Variants in DNAH11 observed in about 807,000 individuals in gnomAD.
DNAH11 encodes axonemal beta dynein heavy chain 11.
A neutral mutation model predicts 526.0 loss-of-function variants in DNAH11; 442 were observed. The observed-to-expected ratio is 0.84, with a 90% confidence interval of 0.78 to 0.91. The LOEUF (loss-of-function observed/expected upper bound fraction) is 0.91. Among genes scored for constraint, DNAH11 ranks in the 40% least tolerant of loss-of-function variants. The probability of loss-of-function intolerance (pLI) is 0.00; values close to 1 mark genes in which losing one functional copy is unlikely to be tolerated. For missense variants in DNAH11, 6,989 were observed against 5,448.7 expected (o/e 1.28, Z -8.90); for synonymous variants, 2,461 against 1,935.9 (o/e 1.27, Z -7.12).
At chr7:21,893,021 T>C (rs555639875) in intron 77 of DNAH11, among the ~76,000 whole-genome samples, 131 of 152,342 alleles carry the variant, frequency 8.6e-4, no homozygotes, top group African/African-American at 3.1e-3. Flanking sequence ...GTACCAATGG[T>C]TCATTTTTGT....
intron 30 of DNAH11, among the ~76,000 whole-genome samples, chr7:21,674,397 G>C (rs1314491098): frequency 6.6e-6 from 1 of 151,974 alleles, no homozygotes; most frequent in African/African-American, 2.4e-5. Flanking sequence ...GTCTCGCTCT[G>C]TCACCCAGGC....
At chr7:21,736,915 T>C (rs1330512760) in intron 46 of DNAH11, among the ~76,000 whole-genome samples, 1 of 152,230 alleles carries the variant, frequency 6.6e-6, no homozygotes, top group African/African-American at 2.4e-5. Flanking sequence ...ATGTTTTTCA[T>C]TTGCAGATAT....
At chr7:21,778,328 A>T (rs571449519) in intron 56 of DNAH11, among the ~76,000 whole-genome samples, 1 of 152,258 alleles carries the variant, frequency 6.6e-6, no homozygotes, top group South Asian at 2.1e-4. Context: ...GCCACAGCAT[A>T]CTAATACCCC....
At chr7:21,820,958 A>T (rs1004019976) in intron 65 of DNAH11, among the ~76,000 whole-genome samples, 1 of 152,194 alleles carries the variant, frequency 6.6e-6, no homozygotes, top group Non-Finnish European at 1.5e-5. Flanking sequence ...GAGTCTAGTT[A>T]GTAAATAATT....
chr7:21,745,269 C>T (rs1168953175), intron 51 of DNAH11, among the ~76,000 whole-genome samples: 1 of 152,128 alleles, frequency 6.6e-6, no homozygotes, highest in African/African-American at 2.4e-5. Flanking sequence ...TTCCGAGATG[C>T]CATCATATCC....
intron 61 of DNAH11, among the ~76,000 whole-genome samples, chr7:21,791,563 C>G (rs1373942579): frequency 6.6e-6 from 1 of 152,146 alleles, no homozygotes; most frequent in African/African-American, 2.4e-5. Flanking sequence ...CATCTTGGTG[C>G]CTGTATGTGG....
chr7:21,704,758 G>C, intron 38 of DNAH11, 130 bp downstream of exon 38: 1 of 1,011,744 alleles, frequency 9.9e-7, no homozygotes, highest in South Asian at 2.1e-5. Context: ...ATGCTTTCAA[G>C]CATTTTCATA....
At chr7:21,760,394 A>G (rs1384376347) in intron 54 of DNAH11, among the ~76,000 whole-genome samples, 1 of 152,096 alleles carries the variant, frequency 6.6e-6, no homozygotes, top group Non-Finnish European at 1.5e-5. Flanking sequence ...CATCCTTGGA[A>G]GGTTTCTTTG....
chr7:21,750,092 C>A, intron 53 of DNAH11, 130 bp from the exon 54 acceptor site: 1 of 1,229,616 alleles, frequency 8.1e-7, no homozygotes, highest in Non-Finnish European at 1.1e-6. Context: ...AGAAACATGA[C>A]GTTTCTGATT....
At chr7:21,829,505 A>C (rs2128007695) in intron 65 of DNAH11, among the ~76,000 whole-genome samples, 1 of 152,350 alleles carries the variant, frequency 6.6e-6, no homozygotes, top group South Asian at 2.1e-4. Context: ...CTTCTAATAA[A>C]GACTCTGGTC....
intron 63 of DNAH11, among the ~76,000 whole-genome samples, chr7:21,808,929 T>A (rs1789389118): frequency 6.6e-6 from 1 of 152,176 alleles, no homozygotes. Flanking sequence ...CATATGGTAG[T>A]TATTTATTTT....
chr7:21,573,233 T>C (rs1438468161), intron 8 of DNAH11, among the ~76,000 whole-genome samples: 1 of 152,222 alleles, frequency 6.6e-6, no homozygotes, highest in East Asian at 1.9e-4. Context: ...CATGTAGGAA[T>C]AGAAAATTCA....
chr7:21,710,804 T>C, intron 41 of DNAH11, 101 bp downstream of exon 41: 1 of 1,159,142 alleles, frequency 8.6e-7, no homozygotes, highest in Non-Finnish European at 1.2e-6. Flanking sequence ...CTCATTAACC[T>C]GGGATTCTTT....
rs985677182 is a variant in DNAH11, at chr7:21,750,229, C to A, written c.8805C>A (p.Ile2935=). 1.9e-6 allele frequency: 3 copies of A among 1,602,196 alleles called. No individual in the cohort carries two copies. The Admixed American group carries it at 5.2e-5, about 28-fold the overall frequency. ...ACTCATTCTTTGGGGCAGGAGAAATCCCAGATCTGTTCAGCGATGAAGATG... is the reference window on the plus strand; with the variant it reads ...ACTCATTCTTTGGGGCAGGAGAAATACCAGATCTGTTCAGCGATGAAGATG... ...LINDLLASGE[I]PDLFSDEDVD... is the part of the protein sequence containing the mutation. Residue 2935 remains isoleucine, a synonymous_variant, in exon 54 of 82, where the codon ATC becomes ATA. Coordinates refer to ENST00000409508, the MANE Select transcript of DNAH11 (RefSeq NM_001277115.2).
At chr7:21,766,064 C>A (rs988398154) in intron 55 of DNAH11, among the ~76,000 whole-genome samples, 2 of 152,096 alleles carry the variant, frequency 1.3e-5, no homozygotes, top group Admixed American at 6.6e-5. Flanking sequence ...AAAATCAGCC[C>A]CTGTATCCCA....
chr7:21,601,968 T>A (rs1479562265), intron 18 of DNAH11, among the ~76,000 whole-genome samples: 1 of 149,706 alleles, frequency 6.7e-6, no homozygotes, highest in African/African-American at 2.5e-5. Context: ...ATATCCATAC[T>A]TTTTTTTTTC....
chr7:21,727,147 A>G (rs1048756283), intron 45 of DNAH11, among the ~76,000 whole-genome samples: 3 of 151,496 alleles, frequency 2.0e-5, no homozygotes, highest in Non-Finnish European at 2.9e-5. Flanking sequence ...GTTAGCCAGG[A>G]TGATCTCGAT....
At chr7:21,786,552 G>A (rs1405151263) in intron 58 of DNAH11, 72 bp from the exon 59 acceptor site, 3 of 1,503,262 alleles carry the variant, frequency 2.0e-6, no homozygotes, top group Non-Finnish European at 2.7e-6. Flanking sequence ...AGCCTTGCTT[G>A]GCAACTTACA....
chr7:21,584,471 C>T (rs1472383305), intron 9 of DNAH11, among the ~76,000 whole-genome samples: 3 of 151,982 alleles, frequency 2.0e-5, no homozygotes, highest in African/African-American at 7.3e-5. Context: ...GAGAAATACC[C>T]AATGTAGATG....
Sources: gnomAD v4.1 joint callset for allele counts (sites outside exome capture counted in the v4.1 genomes callset) on GRCh38, gnomAD v4.1.1 for gene constraint, MANE v1.5 for transcripts, NCBI Gene and HGNC (gene_info 2026-07-23, HGNC 2026-07-21) for gene names.